Variants in FSTL4 observed in about 807,000 individuals in gnomAD.
FSTL4 encodes follistatin-related protein 4.
FSTL4 carries 28 observed loss-of-function variants against 78.2 expected under a neutral mutation model. The observed-to-expected ratio is 0.36, with a 90% CI of 0.27 to 0.49. The LOEUF is 0.49. FSTL4 is among the 20% of genes least tolerant of loss of function. The pLI, the probability that FSTL4 is intolerant of heterozygous loss-of-function variation, is 0.98. For synonymous variants in FSTL4, 422 were observed against 440.5 expected, an observed-to-expected ratio of 0.96 and a Z score of 0.53; for missense variants, 922 against 1,084.9, an observed-to-expected ratio of 0.85 and a Z score of 2.11.
At chr5:133,641,080 C>T in the FSTL4 span, among the ~76,000 whole-genome samples, 1 of 152,132 alleles carries the variant, frequency 6.6e-6, no homozygotes, top group Non-Finnish European at 1.5e-5. Context: ...CTTCAAATAG[C>T]ACCTCCTAGA....
At chr5:133,670,639 A>G in the FSTL4 span, among the ~76,000 whole-genome samples, 1 of 152,246 alleles carries the variant, frequency 6.6e-6, no homozygotes, top group East Asian at 1.9e-4. Flanking sequence ...CTGTCTCATC[A>G]GCACATGCTG....
chr5:133,245,798 C>T (rs535512432), intron 7 of FSTL4, among the ~76,000 whole-genome samples: 1 of 152,336 alleles, frequency 6.6e-6, no homozygotes, highest in South Asian at 2.1e-4. Context: ...CTGGCTCCTT[C>T]TTACTTGGCT....
the FSTL4 span, among the ~76,000 whole-genome samples, chr5:133,710,179 A>G: frequency 6.6e-6 from 1 of 152,162 alleles, no homozygotes; most frequent in South Asian, 2.1e-4. Flanking sequence ...AGCCCCCCAC[A>G]ATGCCTATTC....
chr5:133,819,072 C>G, the FSTL4 span, among the ~76,000 whole-genome samples: 1 of 150,396 alleles, frequency 6.6e-6, no homozygotes, highest in African/African-American at 2.5e-5. Context: ...ACATAGCTTC[C>G]CCAATCCTTT....
At chr5:133,710,843 T>C in the FSTL4 span, among the ~76,000 whole-genome samples, 3 of 152,124 alleles carry the variant, frequency 2.0e-5, no homozygotes, top group Non-Finnish European at 4.4e-5. Flanking sequence ...GAGAAAAGAG[T>C]AACCAAATAA....
At chr5:133,489,289 T>C (rs1758208424) in intron 3 of FSTL4, among the ~76,000 whole-genome samples, 1 of 152,186 alleles carries the variant, frequency 6.6e-6, no homozygotes, top group Admixed American at 6.5e-5. Flanking sequence ...AGTGTTGGGA[T>C]GGGGCCAAGT....
chr5:133,444,851 G>T (rs1224720669), intron 3 of FSTL4, among the ~76,000 whole-genome samples: 1 of 152,180 alleles, frequency 6.6e-6, no homozygotes, highest in African/African-American at 2.4e-5. Context: ...TAAGCCCATG[G>T]CATCTCTCCT....
chr5:133,310,602 A>C (rs567285243), intron 6 of FSTL4, among the ~76,000 whole-genome samples: 89 of 152,318 alleles, frequency 5.8e-4, no homozygotes, highest in African/African-American at 2.0e-3. Flanking sequence ...AGGCACCAAG[A>C]TGGTGCCCAA....
the FSTL4 span, among the ~76,000 whole-genome samples, chr5:133,799,003 A>ATG: frequency 3.6e-5 from 3 of 83,676 alleles, no homozygotes; most frequent in African/African-American, 1.3e-4. Flanking sequence ...GGAGGGAGAG[A>ATG]GAGGGGAAGG....
intron 4 of FSTL4, among the ~76,000 whole-genome samples, chr5:133,367,656 C>T (rs553739622): frequency 6.6e-5 from 10 of 152,300 alleles, no homozygotes; most frequent in Admixed American, 4.6e-4. Context: ...TTGGCTCTCC[C>T]GCACCTCAAG....
At chr5:133,387,070 G>A (rs1222241038) in intron 4 of FSTL4, among the ~76,000 whole-genome samples, 2 of 152,190 alleles carry the variant, frequency 1.3e-5, no homozygotes, top group Admixed American at 1.3e-4. Flanking sequence ...GGAGGAGGAA[G>A]GAATGCAGCC....
the FSTL4 span, among the ~76,000 whole-genome samples, chr5:133,714,079 A>G: frequency 0.36 from 55,192 of 151,966 alleles, 11,382 homozygotes; most frequent in African/African-American, 0.57. Flanking sequence ...GTGAGAAACT[A>G]GACACAGCAC....
intron 3 of FSTL4, among the ~76,000 whole-genome samples, chr5:133,431,737 G>C (rs1265345899): frequency 6.6e-6 from 1 of 152,206 alleles, no homozygotes; most frequent in Non-Finnish European, 1.5e-5. Context: ...AATGGTAGTT[G>C]TTTTAAGCTG....
At chr5:133,709,330 C>A in the FSTL4 span, among the ~76,000 whole-genome samples, 1 of 152,252 alleles carries the variant, frequency 6.6e-6, no homozygotes, top group Non-Finnish European at 1.5e-5. Flanking sequence ...GCAGTGTTGT[C>A]AGATAAACCA....
At chr5:133,313,175 G>T (rs1753828789) in intron 5 of FSTL4, among the ~76,000 whole-genome samples, 1 of 152,212 alleles carries the variant, frequency 6.6e-6, no homozygotes, top group African/African-American at 2.4e-5. Flanking sequence ...GCTGAACTCA[G>T]TGTGGGGACA....
intron 3 of FSTL4, among the ~76,000 whole-genome samples, chr5:133,417,049 AG>A (rs1756591967): frequency 6.6e-6 from 1 of 152,264 alleles, no homozygotes; most frequent in South Asian, 2.1e-4. Flanking sequence ...ACTTCTAACT[AG>A]GATACAGAAG....
intron 4 of FSTL4, among the ~76,000 whole-genome samples, chr5:133,365,598 G>A (rs1390483806): frequency 6.6e-6 from 1 of 152,228 alleles, no homozygotes; most frequent in African/African-American, 2.4e-5. Flanking sequence ...TTTCCCATGA[G>A]CCTAATCAGC....
the FSTL4 span, among the ~76,000 whole-genome samples, chr5:133,634,445 C>T: frequency 0.11 from 17,097 of 151,676 alleles, 952 homozygotes; most frequent in Admixed American, 0.16. Flanking sequence ...GCCTCTTCAG[C>T]TCCAAGTCTG....
intron 7 of FSTL4, among the ~76,000 whole-genome samples, chr5:133,241,734 C>A (rs1329513804): frequency 2.6e-5 from 4 of 152,140 alleles, no homozygotes; most frequent in African/African-American, 9.7e-5. Context: ...AGTTCCAGAC[C>A]ACCTCACACC....
Sources: gnomAD v4.1 joint callset for allele counts (sites outside exome capture counted in the v4.1 genomes callset) on GRCh38, gnomAD v4.1.1 for gene constraint, MANE v1.5 for transcripts, NCBI Gene and HGNC (gene_info 2026-07-23, HGNC 2026-07-21) for gene names.